MGAT4C: variants seen among roughly 807,000 people sequenced by gnomAD.
The protein encoded by MGAT4C is alpha-1,3-mannosyl-glycoprotein 4-beta-N-acetylglucosaminyltransferase C.
MGAT4C carries 19 observed loss-of-function variants against 40.1 expected under a neutral mutation model. The ratio of observed to expected loss-of-function variants is 0.47; its 90% CI spans 0.33 to 0.70. The LOEUF is 0.70. MGAT4C is among the 30% of genes least tolerant of loss of function. The pLI is 0.02. For missense variants in MGAT4C, 491 were observed against 563.2 expected (o/e 0.87, Z 1.30); for synonymous variants, 181 against 187.1 (o/e 0.97, Z 0.27).
At chr12:86,215,274 A>T (rs1950627306) in intron 1 of MGAT4C, among the ~76,000 whole-genome samples, 1 of 152,208 alleles carries the variant, frequency 6.6e-6, no homozygotes, top group Admixed American at 6.5e-5. Context: ...GGTTTAAAAA[A>T]AATTAATTTC....
intron 4 of MGAT4C, among the ~76,000 whole-genome samples, chr12:86,273,252 A>C (rs1360027974): frequency 2.0e-5 from 3 of 152,164 alleles, no homozygotes; most frequent in African/African-American, 7.2e-5. Context: ...ATCTTGGGCA[A>C]GTTACTTGAT....
At chr12:86,750,194 A>G (rs1243910690) in intron 1 of MGAT4C, among the ~76,000 whole-genome samples, 1 of 151,824 alleles carries the variant, frequency 6.6e-6, no homozygotes, top group Non-Finnish European at 1.5e-5. Context: ...CATAAGAACT[A>G]AAGTGGAGTA....
intron 2 of MGAT4C, among the ~76,000 whole-genome samples, chr12:86,480,058 T>C (rs1417885328): frequency 1.3e-5 from 2 of 151,878 alleles, no homozygotes; most frequent in Non-Finnish European, 2.9e-5. Flanking sequence ...AGTTTTATGA[T>C]AAAATTTAAA....
Position 86,394,308 on chromosome 12 carries a change from T to C in MGAT4C, c.-120+40849A>G, listed in dbSNP as rs956335973. On this transcript the variant is annotated intron_variant, in intron 3 of 7. Coordinates refer to the MGAT4C transcript ENST00000548651. The stretch of plus-strand genomic sequence containing the variant: ...GATGAAATAGATACCTTGGGTAAAA[T>C]TGGTTGTTGAAAATAAGTTATGTGA... 6.6e-5 allele frequency among the ~76,000 whole-genome samples: 10 copies of C among 151,982 alleles called. No individual in the cohort carries two copies. In the East Asian group the frequency reaches 7.7e-4, roughly 12 times the overall value.
At chr12:86,012,782 ACCACCACC>A (rs1565857893) in intron 2 of MGAT4C, among the ~76,000 whole-genome samples, 8,846 of 135,880 alleles carry the variant, frequency 0.065, 272 homozygotes, top group Non-Finnish European at 0.081. Flanking sequence ...AACAACAACC[ACCACCACC>A]ACCACCACCA....
intron 1 of MGAT4C, among the ~76,000 whole-genome samples, chr12:86,175,456 A>C (rs1451189207): frequency 1.3e-5 from 2 of 152,194 alleles, no homozygotes; most frequent in Non-Finnish European, 2.9e-5. Context: ...ATCAGTTCTC[A>C]CATGGACCAA....
chr12:86,738,652 T>C (rs1040446847), intron 1 of MGAT4C, among the ~76,000 whole-genome samples: 2 of 151,378 alleles, frequency 1.3e-5, no homozygotes, highest in Admixed American at 6.6e-5. Flanking sequence ...ATTTTATTAC[T>C]GCTTTTGGAA....
chr12:86,480,675 T>A (rs1957923381), intron 2 of MGAT4C, among the ~76,000 whole-genome samples: 1 of 151,704 alleles, frequency 6.6e-6, no homozygotes, highest in Admixed American at 6.6e-5. Flanking sequence ...TGTGTATATA[T>A]GTATATACAA....
At chr12:86,616,870 T>G (rs905573820) in intron 2 of MGAT4C, among the ~76,000 whole-genome samples, 4 of 152,124 alleles carry the variant, frequency 2.6e-5, no homozygotes, top group Admixed American at 2.0e-4. Context: ...AATAAATGTT[T>G]AGAAGAGTAG....
intron 2 of MGAT4C, among the ~76,000 whole-genome samples, chr12:86,646,227 T>C (rs1963540669): frequency 6.6e-6 from 1 of 151,816 alleles, no homozygotes; most frequent in Admixed American, 6.6e-5. Flanking sequence ...AGAAAGGTGG[T>C]AAAATGGCTA....
chr12:86,668,936 T>TA (rs1218159289), intron 2 of MGAT4C, among the ~76,000 whole-genome samples: 1 of 152,098 alleles, frequency 6.6e-6, no homozygotes, highest in Non-Finnish European at 1.5e-5. Flanking sequence ...TTGGAGCACC[T>TA]ACTCTTCTGG....
rs116507306 is a variant in MGAT4C at position 86,300,406 on chromosome 12, A to C, written c.-57+33659T>G. On this transcript the variant is annotated intron_variant, in intron 4 of 7. Transcript: ENST00000548651. ...AAACTCCATCATCACTTAAAGTAAAATAATAAATTGTACATGGCCATTCAA... is the reference window on the plus strand; with the variant it reads ...AAACTCCATCATCACTTAAAGTAAACTAATAAATTGTACATGGCCATTCAA... Among the ~76,000 whole-genome samples the C allele has an allele frequency of 7.8e-3, 1,190 of 152,272 alleles. 21 individuals carry two copies. Among genetic ancestry groups the C allele is most frequent in the African/African-American group, 0.027 (1,138 of 41,566 alleles).
intron 2 of MGAT4C, among the ~76,000 whole-genome samples, chr12:86,509,018 C>T (rs1958523517): frequency 6.6e-6 from 1 of 152,038 alleles, no homozygotes; most frequent in Non-Finnish European, 1.5e-5. Context: ...GTTGTCTGTT[C>T]ACTCTGATGG....
At chr12:86,143,147 T>C (rs971614278) in intron 1 of MGAT4C, among the ~76,000 whole-genome samples, 2 of 152,154 alleles carry the variant, frequency 1.3e-5, no homozygotes, top group African/African-American at 2.4e-5. Context: ...AGCCACCCAG[T>C]TTATGGTATT....
chr12:86,132,955 T>G (rs1489255042), intron 1 of MGAT4C, among the ~76,000 whole-genome samples: 4 of 152,300 alleles, frequency 2.6e-5, no homozygotes, highest in East Asian at 1.9e-4. Flanking sequence ...TGGATTCAGT[T>G]TCTTTACCGA....
chr12:86,653,899 T>C (rs2136538512), intron 2 of MGAT4C, among the ~76,000 whole-genome samples: 1 of 152,090 alleles, frequency 6.6e-6, no homozygotes, highest in African/African-American at 2.4e-5. Context: ...CATTACAAAG[T>C]TTTTCTTATT....
chr12:86,546,785 T>C (rs1959195321), intron 2 of MGAT4C, among the ~76,000 whole-genome samples: 1 of 152,020 alleles, frequency 6.6e-6, no homozygotes, highest in Non-Finnish European at 1.5e-5. Context: ...AAAACCCTTC[T>C]AAAATAATGT....
chr12:86,744,406 T>C (rs1951119886), intron 1 of MGAT4C, among the ~76,000 whole-genome samples: 1 of 151,532 alleles, frequency 6.6e-6, no homozygotes, highest in Admixed American at 6.6e-5. Flanking sequence ...AAACAGAGTG[T>C]ATGTAGCACA....
At chr12:86,577,181 T>C (rs141173874) in intron 2 of MGAT4C, among the ~76,000 whole-genome samples, 4 of 151,968 alleles carry the variant, frequency 2.6e-5, no homozygotes, top group African/African-American at 9.6e-5. Flanking sequence ...CTTTACTGAA[T>C]TTATCCGTTC....
Sources: allele counts gnomAD v4.1 joint callset (sites outside exome capture counted in the v4.1 genomes callset), GRCh38; gene constraint gnomAD v4.1.1; transcripts MANE v1.5; gene names NCBI Gene and HGNC (gene_info 2026-07-23, HGNC 2026-07-21).